SORCS3: variants seen among roughly 807,000 people sequenced by gnomAD.
The protein encoded by SORCS3 is VPS10 domain-containing receptor SorCS3.
SORCS3 carries 57 observed loss-of-function variants against 146.3 expected under a neutral mutation model. The observed-to-expected ratio is 0.39, with a 90% CI of 0.31 to 0.49. SORCS3 has a LOEUF of 0.49. Among genes scored for constraint, SORCS3 ranks in the 20% least tolerant of loss-of-function variants. The pLI is 0.92. For synonymous variants in SORCS3, 653 were observed against 618.5 expected (o/e 1.06, Z -0.83); for missense variants, 1,341 against 1,575.5 (o/e 0.85, Z 2.52).
chr10:104,797,574 T>C (rs980238372), intron 1 of SORCS3, among the ~76,000 whole-genome samples: 7 of 152,176 alleles, frequency 4.6e-5, no homozygotes, highest in African/African-American at 1.4e-4. Flanking sequence ...ATTGTTTGAC[T>C]ACTATGTGCC....
chr10:104,882,376 C>A (rs1302003084), intron 2 of SORCS3, among the ~76,000 whole-genome samples: 1 of 152,126 alleles, frequency 6.6e-6, no homozygotes, highest in African/African-American at 2.4e-5. Context: ...TTCAGATACT[C>A]TTAGAGCAGA....
At chr10:105,242,955 T>C (rs1271185077) in intron 20 of SORCS3, among the ~76,000 whole-genome samples, 2 of 122,090 alleles carry the variant, frequency 1.6e-5, no homozygotes, top group East Asian at 2.2e-4. Flanking sequence ...ATATGATATA[T>C]ATTATATATT....
At chr10:104,749,442 A>C (rs564996897) in intron 1 of SORCS3, among the ~76,000 whole-genome samples, 8 of 152,264 alleles carry the variant, frequency 5.3e-5, no homozygotes, top group African/African-American at 1.9e-4. Context: ...GCTTCTTAAA[A>C]ATTGGGGCAT....
At chr10:104,977,173 T>C (rs2054904014) in intron 3 of SORCS3, among the ~76,000 whole-genome samples, 162 bp from the exon 4 acceptor site, 1 of 152,168 alleles carries the variant, frequency 6.6e-6, no homozygotes, top group South Asian at 2.1e-4. Flanking sequence ...AATGAGAGAC[T>C]AAATCAGGAG....
chr10:105,212,683 C>T (rs2056640786), intron 17 of SORCS3, among the ~76,000 whole-genome samples: 1 of 152,028 alleles, frequency 6.6e-6, no homozygotes. Context: ...CCAATACCTC[C>T]AGATTGTGTA....
intron 2 of SORCS3, among the ~76,000 whole-genome samples, chr10:104,875,572 C>T (rs2018563371): frequency 6.6e-6 from 1 of 152,108 alleles, no homozygotes; most frequent in African/African-American, 2.4e-5. Context: ...TTACTGGGAG[C>T]TTCAGATCAA....
At position 104,889,554 on chromosome 10, in the gene SORCS3, A is replaced by T. The variant is rs547479648; in HGVS notation, c.696-26279A>T. 6.1e-4 allele frequency among the ~76,000 whole-genome samples: 92 copies of T among 150,602 alleles called. 2 individuals are homozygous for T. The highest frequency in any genetic ancestry group is 4.0e-4 in the Admixed American group (6 of 15,050). ...TAGGGGTTGCTTTTGGGTTTATAGT[A>T]CACATCTTTAATTTATCACAGGCTA... On this transcript the variant is annotated intron_variant, in intron 2 of 26. Transcript: ENST00000369701.
intron 3 of SORCS3, among the ~76,000 whole-genome samples, chr10:104,954,516 G>A (rs1243950812): frequency 6.6e-6 from 1 of 152,116 alleles, no homozygotes; most frequent in Non-Finnish European, 1.5e-5. Flanking sequence ...GCATGAGGGG[G>A]CCTCTGCTTG....
intron 1 of SORCS3, among the ~76,000 whole-genome samples, chr10:104,701,076 G>A (rs1479138865): frequency 6.6e-6 from 1 of 152,150 alleles, no homozygotes; most frequent in Non-Finnish European, 1.5e-5. Context: ...TTGGACTAAG[G>A]CTCTTGTAGG....
intron 1 of SORCS3, among the ~76,000 whole-genome samples, chr10:104,685,771 G>A (rs2016036724): frequency 6.6e-6 from 1 of 152,226 alleles, no homozygotes; most frequent in African/African-American, 2.4e-5. Context: ...ACTATCATGT[G>A]CATTGTAGGA....
intron 23 of SORCS3, among the ~76,000 whole-genome samples, chr10:105,255,130 G>C (rs1265346278): frequency 6.7e-6 from 1 of 149,662 alleles, no homozygotes; most frequent in African/African-American, 2.5e-5. Context: ...CGGAGCCTGC[G>C]GTGAGCCGAG....
rs149777750 is a variant in SORCS3 at position 104,706,570 on chromosome 10, T to C, written c.627+64616T>C. ...AAGCTATCTGTATTAAAATTCAGTA[T>C]GTGTAAACTACTTTAATGAACCTGG... On this transcript the variant is annotated intron_variant, in intron 1 of 26. Coordinates refer to ENST00000369701, the MANE Select transcript of SORCS3 (RefSeq NM_014978.3). 2.8e-3 allele frequency among the ~76,000 whole-genome samples: 421 copies of C among 152,286 alleles called. 1 individual carries two copies. Among genetic ancestry groups the C allele is most frequent in the African/African-American group, 9.8e-3 (406 of 41,564 alleles).
In SORCS3 at chr10:104,948,856, G is replaced by A. The variant is rs1185398994; in HGVS notation, c.796-28479G>A. Among the ~76,000 whole-genome samples, 2 of 152,132 alleles carry A rather than the reference G, an allele frequency of 1.3e-5. 1 individual carries two copies. The highest frequency in any genetic ancestry group is 2.9e-5 in the Non-Finnish European group (2 of 68,016). ...GGGAAGTATTTTATTATAGGTCACT[G>A]TTCTCCCAGTTCCTTTTGCCATTAC... On this transcript the variant is annotated intron_variant, in intron 3 of 26. Transcript: ENST00000369701.
intron 1 of SORCS3, among the ~76,000 whole-genome samples, chr10:104,818,082 A>T (rs1244540033): frequency 6.6e-6 from 1 of 152,118 alleles, no homozygotes; most frequent in African/African-American, 2.4e-5. Context: ...GTAGGTCTGT[A>T]TACACACACA....
chr10:105,226,850 A>T (rs192706751), intron 20 of SORCS3, among the ~76,000 whole-genome samples: 1 of 151,596 alleles, frequency 6.6e-6, no homozygotes, highest in Non-Finnish European at 1.5e-5. Context: ...TAGTGTATAT[A>T]GTTGTTCATA....
rs572481221 is a variant in SORCS3, at chr10:104,827,546, TCCAAGCTTTGTTATTCCATTTATAGAACA to T, written c.628-15244_628-15216del. Reference sequence around the variant, plus strand: ...TGTGCTGTAAAAAGATGTGCTGTCATCCAAGCTTTGTTATTCCATTTATAGAACACAAGCAGAGGAGATTGAGCATAATT... The same window carrying T: ...TGTGCTGTAAAAAGATGTGCTGTCATCAAGCAGAGGAGATTGAGCATAATT... On this transcript the variant is annotated intron_variant, in intron 1 of 26. Coordinates refer to ENST00000369701, the MANE Select transcript of SORCS3 (RefSeq NM_014978.3). Among the ~76,000 whole-genome samples, 7 of 152,320 alleles carry T rather than the reference TCCAAGCTTTGTTATTCCATTTATAGAACA, an allele frequency of 4.6e-5. No homozygotes were observed. In the South Asian group the frequency reaches 1.5e-3, roughly 32 times the overall value.
chr10:104,711,742 G>A lies in SORCS3; in HGVS notation c.627+69788G>A, dbSNP rs375848759. 5.6e-4 allele frequency among the ~76,000 whole-genome samples: 85 copies of A among 152,324 alleles called. 2 individuals are homozygous for A. The East Asian group carries it at 0.016, about 28-fold the overall frequency. Reference sequence around the variant, plus strand: ...GGATTATGGTGGAGTTGTACTGGAAGGACTTTTGGAAGCATCACAGGCTAC... The same window carrying A: ...GGATTATGGTGGAGTTGTACTGGAAAGACTTTTGGAAGCATCACAGGCTAC... On this transcript the variant is annotated intron_variant, in intron 1 of 26. Coordinates refer to ENST00000369701, the MANE Select transcript of SORCS3 (RefSeq NM_014978.3).
At chr10:105,139,622 G>C in intron 8 of SORCS3, 136 bp downstream of exon 8, 2 of 634,762 alleles carry the variant, frequency 3.2e-6, no homozygotes, top group South Asian at 2.0e-5. Context: ...CCACCAAGTC[G>C]TTTGGCCTCC....
At chr10:104,844,086 A>G (rs1564696560) in intron 2 of SORCS3, among the ~76,000 whole-genome samples, 1 of 152,204 alleles carries the variant, frequency 6.6e-6, no homozygotes, top group African/African-American at 2.4e-5. Flanking sequence ...TTAAATATTT[A>G]GGGGTTAATT....
Sources: gnomAD v4.1 joint callset for allele counts (sites outside exome capture counted in the v4.1 genomes callset) on GRCh38, gnomAD v4.1.1 for gene constraint, MANE v1.5 for transcripts, NCBI Gene and HGNC (gene_info 2026-07-23, HGNC 2026-07-21) for gene names.